OGA: variants seen among roughly 807,000 people sequenced by gnomAD.
OGA encodes the protein O-GlcNAcase, also known as protein O-GlcNAcase.
Under a neutral mutation model 102.0 loss-of-function variants are expected in OGA, and 21 were observed. The ratio of observed to expected loss-of-function variants is 0.21; its 90% confidence interval spans 0.15 to 0.30. OGA has a LOEUF of 0.30. OGA is among the 10% of genes least tolerant of loss of function. The probability of loss-of-function intolerance (pLI) is 1.00; values close to 1 mark genes in which losing one functional copy is unlikely to be tolerated. For missense variants in OGA, 765 were observed against 1,107.8 expected, an observed-to-expected ratio of 0.69 and a Z score of 4.39; for synonymous variants, 408 against 378.2, an observed-to-expected ratio of 1.08 and a Z score of -0.91.
intron 6 of OGA, among the ~76,000 whole-genome samples, 194 bp downstream of exon 6, chr10:101,805,851 A>T (rs928918309): frequency 6.6e-6 from 1 of 152,012 alleles, no homozygotes; most frequent in Non-Finnish European, 1.5e-5. Context: ...GCTACTCGGG[A>T]GGCTGAGGCA....
intron 1 of OGA, among the ~76,000 whole-genome samples, chr10:101,816,829 C>T (rs2065633165): frequency 6.6e-6 from 1 of 152,108 alleles, no homozygotes; most frequent in Non-Finnish European, 1.5e-5. Context: ...AACAGAAAAG[C>T]TGATGTTCTC....
At chr10:101,800,750 GC>G (rs1554837638) in intron 7 of OGA, among the ~76,000 whole-genome samples, 1 of 150,508 alleles carries the variant, frequency 6.6e-6, no homozygotes, top group Non-Finnish European at 1.5e-5. Flanking sequence ...ACATTGCATA[GC>G]CTTCAGGGCC....
At chr10:101,817,535 G>A (rs1418344525) in intron 1 of OGA, among the ~76,000 whole-genome samples, 1 of 152,216 alleles carries the variant, frequency 6.6e-6, no homozygotes, top group Non-Finnish European at 1.5e-5. Context: ...GAACTCAGAG[G>A]CTAACAGAAC....
In OGA at chr10:101,799,211, G is replaced by A. The variant is rs746285394; in HGVS notation, c.1440C>T (p.Asp480=). ...CAACAATTTCACTCAGTATTTGATT[G>A]TCATTCTTGTGGTCCGTTTCTTCTT... ...EKQEETDHKN[D]NQILSEIVEA... The change falls in exon 9 of 16, where the codon GAC becomes GAT. Residue 480 remains aspartate, a synonymous_variant. Coordinates refer to ENST00000361464, the MANE Select transcript of OGA (RefSeq NM_012215.5). 6.2e-7 allele frequency: 1 copy of A among 1,614,194 alleles called. No homozygotes were observed. Among genetic ancestry groups the A allele is most frequent in the East Asian group, 2.2e-5 (1 of 44,884 alleles).
Position 101,799,280 on chromosome 10 carries a change from C to G in OGA, c.1371G>C (p.Lys457Asn). The change falls in exon 9 of 16, where the codon AAG becomes AAC. Residue 457 changes from lysine (K) to asparagine (N), a missense_variant. Physicochemically the swap from Lys to Asn is moderately conservative, Grantham distance 94. Transcript: ENST00000361464. The part of the protein sequence containing the change: ...EPTTLTKEEE[K>N]KQPDEEPMDM... The stretch of plus-strand genomic sequence containing the variant: ...CCATGGGTTCTTCATCAGGCTGTTT[C>G]TTTTCTTCTTCCTTGGTCAGAGTAG... The G allele has an allele frequency of 6.2e-7, 1 of 1,614,134 alleles. No individual in the cohort carries two copies.
At chr10:101,811,263 C>A (rs1445693035) in intron 3 of OGA, among the ~76,000 whole-genome samples, 2 of 151,638 alleles carry the variant, frequency 1.3e-5, no homozygotes, top group South Asian at 2.1e-4. Flanking sequence ...GTGGCGCATA[C>A]TTGTAATCCC....
At position 101,790,354 on chromosome 10, in the gene OGA, C is replaced by T. The variant is rs747596873; in HGVS notation, c.2454+542G>A. 8.8e-4 allele frequency among the ~76,000 whole-genome samples: 130 copies of T among 148,124 alleles called. 1 individual carries two copies. The highest frequency in any genetic ancestry group is 2.4e-4 in the Non-Finnish European group (16 of 67,586). ...GTGGCGCCATCTCAGCTCACTGCAA[C>T]CTCCCGCTCCTGGGTTCAAGCAATT... On this transcript the variant is annotated intron_variant, in intron 14 of 15. Coordinates refer to ENST00000361464, the MANE Select transcript of OGA (RefSeq NM_012215.5).
chr10:101,815,189 A>C (rs1389908038), intron 1 of OGA, among the ~76,000 whole-genome samples: 1 of 152,202 alleles, frequency 6.6e-6, no homozygotes, highest in Non-Finnish European at 1.5e-5. Context: ...ACAATGACAG[A>C]CCAAATTAAA....
chr10:101,803,690 C>A (rs779541881), intron 7 of OGA, 45 bp downstream of exon 7: 1 of 1,551,348 alleles, frequency 6.4e-7, no homozygotes, highest in Non-Finnish European at 8.8e-7. Flanking sequence ...TCTAGTTAAC[C>A]CCAGCTCTCC....
chr10:101,813,220 T>C, intron 2 of OGA, 93 bp from the exon 3 acceptor site: 2 of 831,746 alleles, frequency 2.4e-6, no homozygotes, highest in South Asian at 1.6e-5. Flanking sequence ...CTCCATCTCA[T>C]ACAAAGCTAA....
intron 2 of OGA, 94 bp downstream of exon 2, chr10:101,813,461 G>C (rs2065583685): frequency 1.3e-6 from 1 of 786,650 alleles, no homozygotes; most frequent in Non-Finnish European, 2.0e-6. Context: ...CCATCAAAAT[G>C]CACCTGGGCT....
In OGA at chr10:101,798,025, T is replaced by C. The variant is rs746844571; in HGVS notation, c.1939A>G (p.Ile647Val). 4 of 1,614,050 alleles carry C rather than the reference T, an allele frequency of 2.5e-6. No individual in the cohort carries two copies. The South Asian group carries it at 3.3e-5, about 13-fold the overall frequency. The change falls in exon 10 of 16, where the codon ATC becomes GTC. Residue 647 changes from isoleucine (I) to valine (V), a missense_variant. Transcript: ENST00000361464. ...LYDMYSYVWD[I>V]KSIMSMVKSF... Reference sequence around the variant, plus strand: ...TTCACCATAGACATTATACTCTTGATATCCCAAACATAGGAGTACATGTCA... The same window carrying C: ...TTCACCATAGACATTATACTCTTGACATCCCAAACATAGGAGTACATGTCA...
chr10:101,799,431 G>C lies in OGA; in HGVS notation c.1220C>G (p.Ala407Gly), dbSNP rs2065361025. The C allele has an allele frequency of 6.2e-7, 1 of 1,613,444 alleles. No homozygotes were observed. The highest frequency in any genetic ancestry group is 8.5e-7 in the Non-Finnish European group (1 of 1,179,556). The change falls in exon 9 of 16, where the codon GCT becomes GGT. Residue 407 changes from alanine to glycine, a missense_variant. Physicochemically the swap from Ala to Gly is moderately conservative, Grantham distance 60 (BLOSUM62 0). This residue lies in a region of OGA where 281 missense variants were observed against 345.8 expected (regional missense o/e 0.81). Transcript: ENST00000361464. ...YSSRQVAHSG[A>G]KASVVDGTPL... ...AGTCCCATCAACTACACTTGCTTTA[G>C]CTCCACTGTGTGCAACTTGCCTACC...
chr10:101,810,608 G>C (rs1369406332), intron 3 of OGA, among the ~76,000 whole-genome samples: 1 of 152,184 alleles, frequency 6.6e-6, no homozygotes, highest in South Asian at 2.1e-4. Flanking sequence ...TCCTTTTGGG[G>C]AAACAGGCTA....
In OGA at chr10:101,785,689, G is replaced by A. The variant is rs1027226405; in HGVS notation, c.*762C>T. On this transcript the variant is annotated 3_prime_UTR_variant, in exon 16 of 16. Coordinates refer to ENST00000361464, the MANE Select transcript of OGA (RefSeq NM_012215.5). ...TTTTCACTGGTTTACATTATTCAAAGTGCCATTCTGAACCAACACCCTTTC... is the reference window on the plus strand; with the variant it reads ...TTTTCACTGGTTTACATTATTCAAAATGCCATTCTGAACCAACACCCTTTC... The A allele has an allele frequency of 2.0e-5, 3 of 152,574 alleles. No homozygotes were observed. The highest frequency in any genetic ancestry group is 4.4e-5 in the Non-Finnish European group (3 of 68,044). 9.5% of individuals were successfully genotyped at this position (152,574 alleles called of 1,614,324 possible). A position where few individuals can be genotyped will look rare whatever the true frequency, so the allele number is the denominator to read the frequency against.
chr10:101,806,158 A>G lies in OGA; in HGVS notation c.653-15T>C. The G allele has an allele frequency of 6.2e-6, 9 of 1,451,914 alleles. No individual in the cohort carries two copies. Among genetic ancestry groups the G allele is most frequent in the Non-Finnish European group, 8.7e-6 (9 of 1,034,550 alleles). 89.9% of individuals were successfully genotyped at this position (1,451,914 alleles called of 1,614,324 possible). ...GCCACAGTATTCTAAATGTAGGGAG[A>G]AAAGTAAAAAAGTCAGAATTAAAAT... On this transcript the variant is annotated splice_polypyrimidine_tract_variant and intron_variant, in intron 5 of 15. Transcript: ENST00000361464.
intron 5 of OGA, among the ~76,000 whole-genome samples, chr10:101,806,899 C>G (rs1244791245): frequency 6.6e-6 from 1 of 152,130 alleles, no homozygotes; most frequent in Non-Finnish European, 1.5e-5. Context: ...TATGGCGAAA[C>G]CCCGTCTCTA....
chr10:101,788,734 C>CAAA (rs755718266), intron 14 of OGA, among the ~76,000 whole-genome samples: 2 of 76,494 alleles, frequency 2.6e-5, no homozygotes, highest in East Asian at 3.7e-4. Flanking sequence ...AACTCCGTCT[C>CAAA]AAAAAAAAAA....
chr10:101,811,872 A>C (rs1433032713), intron 3 of OGA, among the ~76,000 whole-genome samples: 1 of 152,116 alleles, frequency 6.6e-6, no homozygotes, highest in Non-Finnish European at 1.5e-5. Flanking sequence ...TTTTTGAATA[A>C]TTTTCAGTAG....
Sources: allele counts gnomAD v4.1 joint callset (sites outside exome capture counted in the v4.1 genomes callset), GRCh38; gene constraint gnomAD v4.1.1; regional missense constraint gnomAD v4.1.1; transcripts MANE v1.5; gene names NCBI Gene and HGNC (gene_info 2026-07-23, HGNC 2026-07-21).